The following KCNK12 variants were observed in gnomAD, a reference collection of about 807,000 sequenced individuals.
KCNK12 encodes the protein potassium channel subfamily K member 12.
Under a neutral mutation model 25.3 loss-of-function variants are expected in KCNK12, and 6 were observed. That is an observed-to-expected ratio of 0.24 (90% CI 0.13 to 0.47). KCNK12 has a LOEUF of 0.47. Ranked by LOEUF, KCNK12 falls within the 20% of genes least tolerant of loss-of-function variation. The pLI is 0.99. For missense variants in KCNK12, 444 were observed against 661.7 expected, an observed-to-expected ratio of 0.67 and a Z score of 3.61; for synonymous variants, 331 against 311.1, an observed-to-expected ratio of 1.06 and a Z score of -0.67.
rs932154716 is a variant in KCNK12 at position 47,562,008 on chromosome 2, C to A, written c.391+7933G>T. ...AGGCACTGAATGGTGATATGTCCTG[C>A]CTAAAGCCACGCAGCCAGTTAGTGG... is the stretch of plus-strand genomic sequence containing the variant. On this transcript the variant is annotated intron_variant, in intron 1 of 1. Coordinates refer to ENST00000327876, the MANE Select transcript of KCNK12 (RefSeq NM_022055.2). This position sits in a 1 kb window ranked among gnomAD's most constrained non-coding sequence, Gnocchi z 4.8. 1.0e-5 allele frequency: 4 copies of A among 398,556 alleles called. No homozygotes were observed. In the South Asian group the frequency reaches 3.8e-4, roughly 38 times the overall value. 24.7% of individuals were successfully genotyped at this position (398,556 alleles called of 1,614,324 possible). A position where few individuals can be genotyped will look rare whatever the true frequency, so the allele number is the denominator to read the frequency against.
rs1386727400 is a variant in KCNK12 at position 47,569,896 on chromosome 2, T to G, written c.391+45A>C. 7.7e-6 allele frequency: 10 copies of G among 1,298,510 alleles called. No homozygotes were observed. The highest frequency in any genetic ancestry group is 9.9e-6 in the Non-Finnish European group (10 of 1,014,988). 80.4% of individuals were successfully genotyped at this position (1,298,510 alleles called of 1,614,324 possible). A position where few individuals can be genotyped will look rare whatever the true frequency, so the allele number is the denominator to read the frequency against. On this transcript the variant is annotated intron_variant, in intron 1 of 1. Coordinates refer to ENST00000327876, the MANE Select transcript of KCNK12 (RefSeq NM_022055.2). This position sits in a 1 kb window ranked among gnomAD's most constrained non-coding sequence, Gnocchi z 4.1. Reference sequence around the variant, plus strand: ...GCCGAGCAGTGGAAAGGGCGGCAGGTGAAAGGCACAGAGAGGAAAGATGCG... The same window carrying G: ...GCCGAGCAGTGGAAAGGGCGGCAGGGGAAAGGCACAGAGAGGAAAGATGCG...
chr2:47,546,784 A>G (rs1309966919), intron 1 of KCNK12, among the ~76,000 whole-genome samples: 1 of 152,222 alleles, frequency 6.6e-6, no homozygotes, highest in Non-Finnish European at 1.5e-5. Context: ...TAGCAATAAC[A>G]CAGGGAATGG....
chr2:47,523,016 A>G (rs748389690), intron 1 of KCNK12, among the ~76,000 whole-genome samples: 22 of 152,234 alleles, frequency 1.4e-4, no homozygotes, highest in Non-Finnish European at 2.6e-4. Flanking sequence ...CTCAAAAGTC[A>G]ACTGCAGCTC....
chr2:47,567,461 G>A (rs1254996634), intron 1 of KCNK12, among the ~76,000 whole-genome samples: 1 of 151,780 alleles, frequency 6.6e-6, no homozygotes, highest in East Asian at 1.9e-4. Flanking sequence ...CTGACCTGTG[G>A]AGATCTTTAC....
rs1227348684 is a variant in KCNK12, at chr2:47,551,000, T to TA, written c.391+18940dup. Among the ~76,000 whole-genome samples the TA allele has an allele frequency of 5.3e-5, 8 of 152,318 alleles. No homozygotes were observed. The South Asian group carries it at 1.7e-3, about 32-fold the overall frequency. Reference sequence around the variant, plus strand: ...GCCTCTTTTGTCTCCCTGCTTTTTTTAACCTAAGTTTTGCCTCAGGATCTA... The same window carrying TA: ...GCCTCTTTTGTCTCCCTGCTTTTTTTAAACCTAAGTTTTGCCTCAGGATCTA... On this transcript the variant is annotated intron_variant, in intron 1 of 1. Coordinates refer to ENST00000327876, the MANE Select transcript of KCNK12 (RefSeq NM_022055.2).
intron 1 of KCNK12, among the ~76,000 whole-genome samples, chr2:47,537,539 C>T (rs987114456): frequency 1.3e-5 from 2 of 152,108 alleles, no homozygotes; most frequent in African/African-American, 4.8e-5. Context: ...TCATGTTGGC[C>T]AGGATGGTCT....
chr2:47,520,716 A>AAC lies in KCNK12; in HGVS notation c.*189_*190dup. On this transcript the variant is annotated 3_prime_UTR_variant, in exon 2 of 2. Coordinates refer to ENST00000327876, the MANE Select transcript of KCNK12 (RefSeq NM_022055.2). This position sits in a 1 kb window ranked among gnomAD's most constrained non-coding sequence, Gnocchi z 5.0. ...GTTCTCCAAGAGGGGACTCACAAGG[A>AAC]ACACAGGCGTCCCCAAAACCTGCCC... The AAC allele has an allele frequency of 2.5e-6, 1 of 403,554 alleles. No homozygotes were observed. The highest frequency in any genetic ancestry group is 6.3e-4 in the Middle Eastern group (1 of 1,578). The allele number at this position is 403,554 out of a possible 1,614,324, so 25.0% of individuals were successfully genotyped here. A position where few individuals can be genotyped will look rare whatever the true frequency, so the allele number is the denominator to read the frequency against.
chr2:47,521,803 C>CGA lies in KCNK12; in HGVS notation c.395_396dup (p.Gly133SerfsTer3). 1 of 1,518,122 alleles carries CGA rather than the reference C, an allele frequency of 6.6e-7. No individual in the cohort carries two copies. The highest frequency in any genetic ancestry group is 8.8e-7 in the Non-Finnish European group (1 of 1,138,748). 94.0% of individuals were successfully genotyped at this position (1,518,122 alleles called of 1,614,324 possible). A position where few individuals can be genotyped will look rare whatever the true frequency, so the allele number is the denominator to read the frequency against. On this transcript the variant is annotated frameshift_variant, in exon 2 of 2. Transcript: ENST00000327876. LOFTEE classifies it high-confidence loss of function. ...CCCACCGTCGCGGGGGTGGTCATGC[C>CGA]GAAACCTGTGGAGACAGGGCAGGGT...
In KCNK12 at chr2:47,551,271, T is replaced by C. The variant is rs1360338274; in HGVS notation, c.391+18670A>G. Among the ~76,000 whole-genome samples the C allele has an allele frequency of 1.3e-5, 2 of 151,396 alleles. No individual in the cohort carries two copies. The highest frequency in any genetic ancestry group is 2.9e-5 in the Non-Finnish European group (2 of 67,830). On this transcript the variant is annotated intron_variant, in intron 1 of 1. Transcript: ENST00000327876. The surrounding 1 kb of genome is among the most constrained non-coding windows in gnomAD (Gnocchi z 5.3). ...CTGGCACTGGCTGGAGCCCTCTTCC[T>C]CCAGGCAGCCACATGGCTCACTCCC...
chr2:47,533,012 A>G lies in KCNK12; in HGVS notation c.392-11204T>C, dbSNP rs1445328969. On this transcript the variant is annotated intron_variant, in intron 1 of 1. Coordinates refer to ENST00000327876, the MANE Select transcript of KCNK12 (RefSeq NM_022055.2). This position sits in a 1 kb window ranked among gnomAD's most constrained non-coding sequence, Gnocchi z 4.7. ...AAATGGCCCAATGCCCTACTTATTT[A>G]TTTATTTTTTATTTTTTTGAGACAG... Among the ~76,000 whole-genome samples the G allele has an allele frequency of 6.6e-6, 1 of 151,448 alleles. No homozygotes were observed. Among genetic ancestry groups the G allele is most frequent in the East Asian group, 1.9e-4 (1 of 5,162 alleles).
intron 1 of KCNK12, chr2:47,535,238 G>T (rs1446897758): frequency 1.3e-5 from 3 of 233,056 alleles, no homozygotes; most frequent in African/African-American, 6.6e-5. Flanking sequence ...AGCCAGGGAG[G>T]TGCTCTAGAG....
chr2:47,553,973 G>A (rs1320169311), intron 1 of KCNK12, among the ~76,000 whole-genome samples: 1 of 152,178 alleles, frequency 6.6e-6, no homozygotes, highest in Non-Finnish European at 1.5e-5. Flanking sequence ...AACTCAGCCA[G>A]ATTATCTATT....
rs2104685937 is a variant in KCNK12 at position 47,515,509 on chromosome 2, G to A, written c.*5398C>T. The stretch of plus-strand genomic sequence containing the variant: ...AATACCAGAATGGAAAATAGTGCAT[G>A]ATCTGTACAGTATAGTTGTAGAAAA... On this transcript the variant is annotated 3_prime_UTR_variant, in exon 2 of 2. Transcript: ENST00000327876. 1.3e-5 allele frequency among the ~76,000 whole-genome samples: 2 copies of A among 152,292 alleles called. No homozygotes were observed. The highest frequency in any genetic ancestry group is 3.4e-3 in the Middle Eastern group (1 of 294).
At chr2:47,527,618 C>G (rs1374648100) in intron 1 of KCNK12, 1 of 152,334 alleles carries the variant, frequency 6.6e-6, no homozygotes, top group African/African-American at 2.4e-5. Flanking sequence ...CTCCTCCAAA[C>G]TCTTCCATGT....
rs1182237892 is a variant in KCNK12, at chr2:47,548,250, A to C, written c.391+21691T>G. 6.6e-6 allele frequency among the ~76,000 whole-genome samples: 1 copy of C among 152,224 alleles called. No individual in the cohort carries two copies. Among genetic ancestry groups the C allele is most frequent in the Non-Finnish European group, 1.5e-5 (1 of 68,044 alleles). ...TGATAACATTGCTTTAGCCAGGGTT[A>C]AGAACCAGTGGTCTATAGGCTGGCA... is the stretch of plus-strand genomic sequence containing the variant. On this transcript the variant is annotated intron_variant, in intron 1 of 1. Transcript: ENST00000327876. The surrounding 1 kb of genome is among the most constrained non-coding windows in gnomAD (Gnocchi z 4.4).
At chr2:47,532,063 A>C (rs1245060994) in intron 1 of KCNK12, among the ~76,000 whole-genome samples, 1 of 152,094 alleles carries the variant, frequency 6.6e-6, no homozygotes, top group African/African-American at 2.4e-5. Context: ...AACCCCCAAA[A>C]ACAAAAAACA....
At position 47,509,396 on chromosome 2, in the gene KCNK12, C is replaced by G. The variant is rs1314837177; in HGVS notation, c.*11511G>C. Among the ~76,000 whole-genome samples the G allele has an allele frequency of 2.6e-5, 4 of 152,216 alleles. No individual in the cohort carries two copies. The highest frequency in any genetic ancestry group is 9.6e-5 in the African/African-American group (4 of 41,464). ...ATGGGGGAGGTGAAATGGGGTAGGT[C>G]TTTGAAAACCAACAGATTGCAAATT... On this transcript the variant is annotated 3_prime_UTR_variant, in exon 2 of 2. Coordinates refer to ENST00000327876, the MANE Select transcript of KCNK12 (RefSeq NM_022055.2).
chr2:47,536,387 T>G (rs1279924393), intron 1 of KCNK12, among the ~76,000 whole-genome samples: 1 of 152,220 alleles, frequency 6.6e-6, no homozygotes, highest in African/African-American at 2.4e-5. Flanking sequence ...GTCTTGGACT[T>G]CTTGCCACCC....
At position 47,548,691 on chromosome 2, in the gene KCNK12, G is replaced by A. The variant is rs184140172; in HGVS notation, c.391+21250C>T. On this transcript the variant is annotated intron_variant, in intron 1 of 1. Coordinates refer to ENST00000327876, the MANE Select transcript of KCNK12 (RefSeq NM_022055.2). This position sits in a 1 kb window ranked among gnomAD's most constrained non-coding sequence, Gnocchi z 4.4. The stretch of plus-strand genomic sequence containing the variant: ...AACCAGGAAACCGGAAAAAGTCTAT[G>A]AGATAATTATTTTCAGACATTGGAA... Among the ~76,000 whole-genome samples, 183 of 152,314 alleles carry A rather than the reference G, an allele frequency of 1.2e-3. 1 individual carries two copies. Among genetic ancestry groups the A allele is most frequent in the African/African-American group, 4.3e-3 (177 of 41,550 alleles).
Sources: allele counts gnomAD v4.1 joint callset (sites outside exome capture counted in the v4.1 genomes callset), GRCh38; gene constraint gnomAD v4.1.1; non-coding constraint Gnocchi (gnomAD v3.1); transcripts MANE v1.5; gene names NCBI Gene and HGNC (gene_info 2026-07-23, HGNC 2026-07-21).